MAP7D2: variants seen among roughly 807,000 people sequenced by gnomAD.
The protein encoded by MAP7D2 is MAP7 domain containing 2.
Under a neutral mutation model 63.5 loss-of-function variants are expected in MAP7D2, and 33 were observed. The observed-to-expected ratio is 0.52, with a 90% CI of 0.39 to 0.70. The LOEUF (loss-of-function observed/expected upper bound fraction) is 0.70. Ranked by LOEUF, MAP7D2 falls within the 30% of genes least tolerant of loss-of-function variation. MAP7D2 has a pLI of 0.00. For missense variants in MAP7D2, 626 were observed against 604.0 expected (o/e 1.04, Z -0.38); for synonymous variants, 224 against 223.7 (o/e 1.00, Z -0.01).
intron 9 of MAP7D2, 92 bp downstream of exon 9, chrX:20,025,589 C>T: frequency 9.2e-7 from 1 of 1,088,418 alleles, no homozygotes; most frequent in Non-Finnish European, 1.2e-6. Context: ...GAGAAAAATC[C>T]CTTTCCCTCC....
chrX:20,019,813 C>A (rs1448864480), intron 10 of MAP7D2, among the ~76,000 whole-genome samples: 1 of 111,529 alleles, frequency 9.0e-6, no homozygotes. Context: ...GTTCCCCAGG[C>A]CTTAGGTACC....
chrX:20,023,747 C>T (rs2148176467), intron 10 of MAP7D2, among the ~76,000 whole-genome samples: 1 of 111,457 alleles, frequency 9.0e-6, no homozygotes, highest in Admixed American at 9.5e-5. Context: ...CAAGGCCTGT[C>T]ATCTGAGGTC....
At chrX:20,092,135 C>T (rs1384331911) in intron 1 of MAP7D2, among the ~76,000 whole-genome samples, 2 of 111,817 alleles carry the variant, frequency 1.8e-5, no homozygotes, top group Non-Finnish European at 3.8e-5. Context: ...CTGCTAAACT[C>T]CTGCACATTA....
intron 6 of MAP7D2, among the ~76,000 whole-genome samples, chrX:20,046,243 A>G (rs2064795867): frequency 8.9e-6 from 1 of 112,323 alleles, no homozygotes; most frequent in African/African-American, 3.2e-5. Context: ...AAGATTCTGG[A>G]TGCTGCTAGA....
chrX:20,062,782 G>C (rs2065253581), intron 3 of MAP7D2, among the ~76,000 whole-genome samples: 1 of 112,347 alleles, frequency 8.9e-6, no homozygotes, highest in Non-Finnish European at 1.9e-5. Flanking sequence ...GGGTAATTAT[G>C]TGCCATTTCT....
At chrX:20,016,810 G>A (rs2073412135) in intron 10 of MAP7D2, among the ~76,000 whole-genome samples, 1 of 111,967 alleles carries the variant, frequency 8.9e-6, no homozygotes, top group South Asian at 3.7e-4. Context: ...GGTTCTAATT[G>A]GTATGTGACT....
intron 10 of MAP7D2, among the ~76,000 whole-genome samples, chrX:20,024,438 T>A (rs2073768542): frequency 8.9e-6 from 1 of 112,043 alleles, no homozygotes; most frequent in Admixed American, 9.4e-5. Context: ...CTCACTGTTC[T>A]TAGACTATGC....
At chrX:20,058,042 G>A (rs1212664607) in intron 3 of MAP7D2, among the ~76,000 whole-genome samples, 1 of 112,626 alleles carries the variant, frequency 8.9e-6, no homozygotes, top group African/African-American at 3.2e-5. Context: ...CCAGGGACCT[G>A]TAAGCAGAAA....
At chrX:20,022,079 G>T (rs956033497) in intron 10 of MAP7D2, among the ~76,000 whole-genome samples, 2 of 111,842 alleles carry the variant, frequency 1.8e-5, no homozygotes, top group Non-Finnish European at 3.8e-5. Context: ...GGTGAAGAGT[G>T]GGGGGTGGTC....
chrX:20,093,387 T>G (rs192884446), intron 1 of MAP7D2, among the ~76,000 whole-genome samples: 1 of 112,249 alleles, frequency 8.9e-6, no homozygotes, highest in African/African-American at 3.2e-5. Flanking sequence ...CTGGGCGCGG[T>G]GGCTCACGCC....
In MAP7D2 at chrX:20,016,410, T is replaced by C. The variant is rs1040226721; in HGVS notation, c.1413-85A>G. 3.4e-5 allele frequency: 27 copies of C among 783,219 alleles called. No individual in the cohort carries two copies. The Middle Eastern group carries it at 1.2e-3, about 35-fold the overall frequency. 64.5% of individuals were successfully genotyped at this position (783,219 alleles called of 1,213,427 possible). On this transcript the variant is annotated intron_variant, in intron 10 of 16. Transcript: ENST00000379643. ...ACTGTGTGCTGACAGCCGAGAATAA[T>C]GCTCCACATGGTAACACACACACAT... is the stretch of plus-strand genomic sequence containing the variant.
chrX:20,069,811 T>A (rs750117276), intron 1 of MAP7D2, among the ~76,000 whole-genome samples: 1 of 106,225 alleles, frequency 9.4e-6, no homozygotes, highest in African/African-American at 3.4e-5. Context: ...GGTTTCACTC[T>A]GTCACCCAGG....
Position 20,008,677 on chromosome X carries a change from G to A in MAP7D2, c.*27-279C>T, listed in dbSNP as rs768798849. On this transcript the variant is annotated intron_variant, in intron 16 of 16. Transcript: ENST00000379643. ...ATGTCTCAAGCTTTGTCTTTCAAAT[G>A]CCCCCAGCCACTCTGGCAACAAAAA... Among the ~76,000 whole-genome samples, 8 of 111,850 alleles carry A rather than the reference G, an allele frequency of 7.2e-5. No homozygotes were observed. The South Asian group carries it at 3.0e-3, about 41-fold the overall frequency.
At chrX:20,049,970 C>A (rs1466272382) in intron 6 of MAP7D2, 1 of 252,530 alleles carries the variant, frequency 4.0e-6, no homozygotes, top group East Asian at 1.3e-4. Flanking sequence ...TATTAGCTAT[C>A]TGTACAACTT....
At chrX:20,066,024 G>A (rs953863322) in intron 1 of MAP7D2, among the ~76,000 whole-genome samples, 1 of 108,039 alleles carries the variant, frequency 9.3e-6, no homozygotes, top group Non-Finnish European at 1.9e-5. Context: ...CCGGGTTCAC[G>A]CCATTCTCCT....
chrX:20,112,493 C>T (rs920121997), intron 1 of MAP7D2, among the ~76,000 whole-genome samples: 4 of 111,674 alleles, frequency 3.6e-5, no homozygotes, highest in African/African-American at 1.3e-4. Context: ...ACCTCAGAGG[C>T]AGACGAGGCG....
intron 8 of MAP7D2, among the ~76,000 whole-genome samples, chrX:20,035,073 C>T (rs1214901181): frequency 9.0e-6 from 1 of 111,460 alleles, no homozygotes; most frequent in South Asian, 3.8e-4. Flanking sequence ...TAGTGCTTAT[C>T]GCCACCTGAT....
chrX:20,064,894 T>C, intron 1 of MAP7D2, 89 bp from the exon 2 acceptor site: 2 of 745,868 alleles, frequency 2.7e-6, no homozygotes, highest in Non-Finnish European at 2.1e-6. Flanking sequence ...GGCACCCGAG[T>C]CTGACTGCAC....
chrX:20,040,331 T>C (rs1410095780), intron 8 of MAP7D2, among the ~76,000 whole-genome samples: 1 of 112,173 alleles, frequency 8.9e-6, no homozygotes, highest in Non-Finnish European at 1.9e-5. Context: ...GTTCTGTCCC[T>C]CTGGAGAACC....
Sources: gnomAD v4.1 joint callset for allele counts (sites outside exome capture counted in the v4.1 genomes callset) on GRCh38, gnomAD v4.1.1 for gene constraint, MANE v1.5 for transcripts, NCBI Gene and HGNC (gene_info 2026-07-23, HGNC 2026-07-21) for gene names.